Variants in GSE1 observed in about 807,000 individuals in gnomAD.
GSE1 encodes the protein genetic suppressor element 1.
Under a neutral mutation model 112.6 loss-of-function variants are expected in GSE1, and 32 were observed. The observed-to-expected ratio is 0.28, with a 90% CI of 0.21 to 0.38. The LOEUF (loss-of-function observed/expected upper bound fraction) is 0.38, where lower values mean the gene tolerates loss of function less well. Ranked by LOEUF, GSE1 falls within the 10% of genes least tolerant of loss-of-function variation. The probability of loss-of-function intolerance (pLI) is 1.00; values close to 1 mark genes in which losing one functional copy is unlikely to be tolerated. For synonymous variants in GSE1, 1,115 were observed against 735.6 expected (o/e 1.52, Z -8.35); for missense variants, 2,348 against 1,699.2 (o/e 1.38, Z -6.71).
intron 1 of GSE1, among the ~76,000 whole-genome samples, chr16:85,299,825 A>G (rs1338699868): frequency 1.3e-5 from 2 of 151,998 alleles, no homozygotes; most frequent in Middle Eastern, 6.8e-3. Flanking sequence ...AATCACAGCT[A>G]ATCAGGAGGC....
At chr16:85,569,621 G>C (rs2045898713) in intron 1 of GSE1, among the ~76,000 whole-genome samples, 1 of 152,232 alleles carries the variant, frequency 6.6e-6, no homozygotes, top group African/African-American at 2.4e-5. Flanking sequence ...TGGATTTCCT[G>C]CTGGGAGAGA....
intron 2 of GSE1, among the ~76,000 whole-genome samples, chr16:85,515,490 G>A (rs559785153): frequency 6.6e-6 from 1 of 152,304 alleles, no homozygotes; most frequent in African/African-American, 2.4e-5. Context: ...GCGGGTGGGC[G>A]GAGGGACGTG....
intron 1 of GSE1, among the ~76,000 whole-genome samples, chr16:85,229,191 C>T (rs141185837): frequency 6.6e-6 from 1 of 152,354 alleles, no homozygotes; most frequent in Non-Finnish European, 1.5e-5. Flanking sequence ...TGAGATCTGG[C>T]GCGGCACCAG....
exon 1 of GSE1, chr16:85,170,281 A>T: frequency 1.0e-6 from 1 of 985,510 alleles, no homozygotes; most frequent in Non-Finnish European, 1.2e-6. Flanking sequence ...GTCCGGGGTT[A>T]GGCGCCGGCG....
At chr16:85,170,835 G>C (rs1322563897) in exon 1 of GSE1, 1 of 985,466 alleles carries the variant, frequency 1.0e-6, no homozygotes, top group Non-Finnish European at 1.2e-6. Context: ...AGAGCTTCGA[G>C]CTGGCCAACG....
rs1333148620 is a variant in GSE1, at chr16:85,586,091, G to A, written c.37+29728G>A. 3.9e-5 allele frequency among the ~76,000 whole-genome samples: 6 copies of A among 152,174 alleles called. No homozygotes were observed. In the South Asian group the frequency reaches 8.3e-4, roughly 21 times the overall value. ...GCCTCTCTCCCCTACTTGGCCGTCC[G>A]TTCCCTGTGTCTCTTCGCATCATCA... On this transcript the variant is annotated intron_variant, in intron 1 of 2. Coordinates refer to the GSE1 transcript ENST00000635906.
At position 85,654,343 on chromosome 16, in the gene GSE1, G is replaced by A. The variant is rs1384213270; in HGVS notation, c.492G>A (p.Gln164=). Residue 164 remains glutamine, a synonymous_variant, in exon 4 of 16, where the codon CAG becomes CAA. Coordinates refer to ENST00000253458, the MANE Select transcript of GSE1 (RefSeq NM_014615.5). ...ERLIVEPPLP[Q]EKAGGPAIPS... ...TCATTGTGGAGCCCCCGCTCCCTCA[G>A]GAGAAGGCAGGGGGACCAGCCATCC... 2 of 1,612,230 alleles carry A rather than the reference G, an allele frequency of 1.2e-6. No individual in the cohort carries two copies. Among genetic ancestry groups the A allele is most frequent in the East Asian group, 2.2e-5 (1 of 44,864 alleles).
chr16:85,238,182 C>A (rs185471592), intron 1 of GSE1, among the ~76,000 whole-genome samples: 9 of 152,134 alleles, frequency 5.9e-5, no homozygotes, highest in Non-Finnish European at 1.2e-4. Flanking sequence ...TGGCGTCCTG[C>A]TATTGATGTT....
intron 2 of GSE1, among the ~76,000 whole-genome samples, chr16:85,533,909 A>G (rs2044228464): frequency 6.6e-6 from 1 of 152,046 alleles, no homozygotes; most frequent in Non-Finnish European, 1.5e-5. Context: ...GGTGGTTTGC[A>G]TTCAACAAAA....
intron 1 of GSE1, among the ~76,000 whole-genome samples, chr16:85,226,956 C>A (rs1314956365): frequency 6.6e-6 from 1 of 152,172 alleles, no homozygotes; most frequent in South Asian, 2.1e-4. Context: ...AGTCAGGTAG[C>A]GGCCATCCCC....
chr16:85,189,386 T>A (rs1002848698), intron 1 of GSE1, among the ~76,000 whole-genome samples: 8 of 152,222 alleles, frequency 5.3e-5, no homozygotes, highest in African/African-American at 1.9e-4. Flanking sequence ...CTCTATTGTT[T>A]TTCTTTTGTG....
intron 1 of GSE1, among the ~76,000 whole-genome samples, chr16:85,324,215 T>G (rs911389834): frequency 2.0e-5 from 3 of 152,008 alleles, no homozygotes; most frequent in African/African-American, 7.2e-5. Flanking sequence ...CCCAAGAGAA[T>G]GAAAACATCG....
At chr16:85,215,290 A>G (rs2143694950) in intron 1 of GSE1, among the ~76,000 whole-genome samples, 1 of 152,296 alleles carries the variant, frequency 6.6e-6, no homozygotes. Flanking sequence ...TTCTAAGTGA[A>G]GTAACATAGG....
chr16:85,511,890 C>T (rs1343084582), intron 2 of GSE1, among the ~76,000 whole-genome samples: 1 of 152,280 alleles, frequency 6.6e-6, no homozygotes, highest in East Asian at 1.9e-4. Context: ...AACTTTTGGC[C>T]TCCAGATCTG....
chr16:85,395,929 C>A (rs1042247663), intron 2 of GSE1, among the ~76,000 whole-genome samples: 12 of 152,280 alleles, frequency 7.9e-5, no homozygotes, highest in African/African-American at 2.9e-4. Flanking sequence ...CGGCCTGAGT[C>A]CCCCCAGCCT....
In GSE1 at chr16:85,633,936, C is replaced by T. The variant is rs763622327; in HGVS notation, c.30C>T (p.Ser10=). Residue 10 remains serine, a synonymous_variant, in exon 2 of 16, where the codon TCC becomes TCT. Transcript: ENST00000253458. MKGMSHEPK[S]PSLGMLSTAT... is the part of the protein sequence containing the mutation. ...CAGGCATGAGCCATGAGCCCAAGTC[C>T]CCTTCGCTAGGGATGCTTTCCACCG... 1 of 1,612,154 alleles carries T rather than the reference C, an allele frequency of 6.2e-7. No homozygotes were observed. The highest frequency in any genetic ancestry group is 8.5e-7 in the Non-Finnish European group (1 of 1,179,382).
At chr16:85,543,673 T>C (rs2151214516) in intron 2 of GSE1, among the ~76,000 whole-genome samples, 1 of 152,218 alleles carries the variant, frequency 6.6e-6, no homozygotes, top group East Asian at 1.9e-4. Flanking sequence ...TAAATTTGTA[T>C]GTGGTAAAGC....
intron 2 of GSE1, among the ~76,000 whole-genome samples, chr16:85,476,583 C>T (rs949807424): frequency 6.6e-6 from 1 of 152,156 alleles, no homozygotes; most frequent in Non-Finnish European, 1.5e-5. Flanking sequence ...GTGCTGTTCC[C>T]ACTGCCTGGA....
chr16:85,519,763 ATATCACCACCG>A (rs2052116820), intron 2 of GSE1, among the ~76,000 whole-genome samples: 2 of 148,096 alleles, frequency 1.4e-5, no homozygotes, highest in Non-Finnish European at 3.0e-5. Flanking sequence ...CATCACCACC[ATATCACCACCG>A]TTGTCATCAC....
Sources: gnomAD v4.1 joint callset for allele counts (sites outside exome capture counted in the v4.1 genomes callset) on GRCh38, gnomAD v4.1.1 for gene constraint, MANE v1.5 for transcripts, NCBI Gene and HGNC (gene_info 2026-07-23, HGNC 2026-07-21) for gene names.